Variants in GRID2 observed in about 807,000 individuals in gnomAD.
GRID2 encodes glutamate receptor ionotropic, delta-2.
GRID2 carries 33 observed loss-of-function variants against 114.8 expected under a neutral mutation model. The observed-to-expected ratio is 0.29, with a 90% CI of 0.22 to 0.38. GRID2 has a LOEUF of 0.38. Among genes scored for constraint, GRID2 ranks in the 10% least tolerant of loss-of-function variants. The probability of loss-of-function intolerance (pLI) is 1.00; values close to 1 mark genes in which losing one functional copy is unlikely to be tolerated. For missense variants in GRID2, 1,184 were observed against 1,257.7 expected (o/e 0.94, Z 0.89); for synonymous variants, 505 against 449.9 (o/e 1.12, Z -1.55).
At chr4:92,458,432 A>C (rs1351427003) in intron 1 of GRID2, among the ~76,000 whole-genome samples, 1 of 152,136 alleles carries the variant, frequency 6.6e-6, no homozygotes, top group Admixed American at 6.6e-5. Context: ...TTTAATGGTA[A>C]ATTTTAAACT....
At chr4:93,474,743 C>T (rs764781639) in intron 11 of GRID2, among the ~76,000 whole-genome samples, 1 of 152,056 alleles carries the variant, frequency 6.6e-6, no homozygotes, top group Non-Finnish European at 1.5e-5. Flanking sequence ...CCTATGATAG[C>T]CTGTGATCAT....
intron 2 of GRID2, among the ~76,000 whole-genome samples, chr4:92,617,642 C>A (rs1464320142): frequency 6.6e-6 from 1 of 151,526 alleles, no homozygotes. Flanking sequence ...CATTTCCTTC[C>A]TTTTCTCTAC....
In GRID2 at chr4:93,626,354, C is replaced by A; in HGVS notation, c.2279C>A (p.Thr760Asn). 1 of 1,603,794 alleles carries A rather than the reference C, an allele frequency of 6.2e-7. No homozygotes were observed. Among genetic ancestry groups the A allele is most frequent in the Non-Finnish European group, 8.5e-7 (1 of 1,170,970 alleles). Residue 760 changes from threonine (T) to asparagine (N), a missense_variant, in exon 14 of 16, where the codon ACC becomes AAC. Transcript: ENST00000282020. ...AATGACCCAGATTGTTCCTTTTACA[C>A]CATTGGAAATACTGTTGCTGATCGG... ...AINDPDCSFYTIGNTVADRGY... is the reference protein window; with the variant it reads ...AINDPDCSFYNIGNTVADRGY...
chr4:93,619,511 G>C lies in GRID2; in HGVS notation c.2194-6758G>C, dbSNP rs60528928. The stretch of plus-strand genomic sequence containing the variant: ...AAATTGGAAAGAAGTTTGCAGCTTA[G>C]TGGGCAAGGCTAGAATTTATTTCCC... On this transcript the variant is annotated intron_variant, in intron 13 of 15. Coordinates refer to ENST00000282020, the MANE Select transcript of GRID2 (RefSeq NM_001510.4). 2.8e-3 allele frequency among the ~76,000 whole-genome samples: 420 copies of C among 152,320 alleles called. 2 individuals carry two copies. The highest frequency in any genetic ancestry group is 8.4e-3 in the Admixed American group (128 of 15,296).
intron 1 of GRID2, among the ~76,000 whole-genome samples, chr4:92,354,317 T>C (rs573795263): frequency 1.5e-3 from 233 of 152,018 alleles, no homozygotes; most frequent in Non-Finnish European, 2.4e-3. Flanking sequence ...GACTGTCTTA[T>C]AGAGTTCTGA....
intron 14 of GRID2, among the ~76,000 whole-genome samples, chr4:93,669,225 T>G (rs1265925564): frequency 6.6e-6 from 1 of 152,054 alleles, no homozygotes; most frequent in Non-Finnish European, 1.5e-5. Context: ...CTAAATATAC[T>G]TTCTATATGA....
At chr4:93,095,358 C>A (rs1167458655) in intron 3 of GRID2, among the ~76,000 whole-genome samples, 2 of 151,674 alleles carry the variant, frequency 1.3e-5, no homozygotes, top group Non-Finnish European at 2.9e-5. Flanking sequence ...TCCAGCAAGA[C>A]CATTTTTAAA....
intron 1 of GRID2, among the ~76,000 whole-genome samples, chr4:92,382,642 T>C (rs1294744568): frequency 2.0e-5 from 3 of 151,994 alleles, no homozygotes; most frequent in Non-Finnish European, 2.9e-5. Context: ...TTGTGAGGAA[T>C]TGGAATATGT....
intron 1 of GRID2, among the ~76,000 whole-genome samples, chr4:92,500,135 G>A (rs1723602106): frequency 6.6e-6 from 1 of 151,860 alleles, no homozygotes; most frequent in South Asian, 2.1e-4. Flanking sequence ...TAAGTCTCAG[G>A]CATTTTACTA....
At chr4:93,763,390 T>G (rs1733376336) in intron 14 of GRID2, among the ~76,000 whole-genome samples, 2 of 152,206 alleles carry the variant, frequency 1.3e-5, no homozygotes, top group South Asian at 4.1e-4. Context: ...CCTCCTAAGA[T>G]CAATTAAGTT....
At chr4:93,042,118 T>C (rs1725573821) in intron 2 of GRID2, among the ~76,000 whole-genome samples, 1 of 152,048 alleles carries the variant, frequency 6.6e-6, no homozygotes, top group Non-Finnish European at 1.5e-5. Flanking sequence ...TTAGCCAGGA[T>C]GGTCTCAATC....
intron 14 of GRID2, among the ~76,000 whole-genome samples, chr4:93,635,215 C>T (rs1475900025): frequency 2.0e-5 from 3 of 150,434 alleles, no homozygotes; most frequent in Non-Finnish European, 4.4e-5. Context: ...TATATATATA[C>T]CACTAACATC....
At chr4:93,559,129 G>A (rs1037029851) in intron 13 of GRID2, among the ~76,000 whole-genome samples, 3 of 151,650 alleles carry the variant, frequency 2.0e-5, no homozygotes, top group Non-Finnish European at 4.4e-5. Flanking sequence ...AAAACCATAT[G>A]ACCAACCCAT....
At chr4:93,316,075 C>A (rs1395486663) in intron 8 of GRID2, among the ~76,000 whole-genome samples, 1 of 151,742 alleles carries the variant, frequency 6.6e-6, no homozygotes, top group Non-Finnish European at 1.5e-5. Flanking sequence ...GATTCCAGGG[C>A]ACATCCAAAA....
At chr4:93,213,740 TTTC>T (rs1254254845) in intron 5 of GRID2, among the ~76,000 whole-genome samples, 2 of 152,180 alleles carry the variant, frequency 1.3e-5, no homozygotes, top group East Asian at 3.9e-4. Flanking sequence ...TCCTAAGAGA[TTTC>T]TTCTGGGAAA....
chr4:92,866,704 C>T (rs545569515), intron 2 of GRID2, among the ~76,000 whole-genome samples: 6 of 151,282 alleles, frequency 4.0e-5, no homozygotes, highest in South Asian at 4.2e-4. Context: ...CCACCATGCC[C>T]GGCTAATTTT....
chr4:93,006,901 AC>A (rs1721594910), intron 2 of GRID2, among the ~76,000 whole-genome samples: 1 of 152,032 alleles, frequency 6.6e-6, no homozygotes, highest in Non-Finnish European at 1.5e-5. Context: ...AAGTAAAAAA[AC>A]AGCAACCAAG....
chr4:93,062,514 C>T (rs936094456), intron 2 of GRID2, among the ~76,000 whole-genome samples: 1 of 152,002 alleles, frequency 6.6e-6, no homozygotes. Context: ...GTGTTGTGCA[C>T]TAGTTATACT....
chr4:93,291,349 G>T (rs1294642055), intron 8 of GRID2, among the ~76,000 whole-genome samples: 1 of 152,084 alleles, frequency 6.6e-6, no homozygotes, highest in Non-Finnish European at 1.5e-5. Flanking sequence ...TGTAATAGGG[G>T]TTTAGTTTAG....
Sources: allele counts gnomAD v4.1 joint callset (sites outside exome capture counted in the v4.1 genomes callset), GRCh38; gene constraint gnomAD v4.1.1; transcripts MANE v1.5; gene names NCBI Gene and HGNC (gene_info 2026-07-23, HGNC 2026-07-21).